The following NDST4 variants were observed in gnomAD, a reference collection of about 807,000 sequenced individuals.
The protein encoded by NDST4 is N-heparan sulfate sulfotransferase 4.
In NDST4, 63 loss-of-function variants were observed where a neutral mutation model predicts 100.8. The observed-to-expected ratio is 0.62, with a 90% CI of 0.51 to 0.77. The LOEUF (loss-of-function observed/expected upper bound fraction) is 0.77, where lower values mean the gene tolerates loss of function less well. Ranked by LOEUF, NDST4 falls within the 30% of genes least tolerant of loss-of-function variation. NDST4 has a pLI of 0.00. For missense variants in NDST4, 943 were observed against 1,018.4 expected, an observed-to-expected ratio of 0.93 and a Z score of 1.01; for synonymous variants, 377 against 361.8, an observed-to-expected ratio of 1.04 and a Z score of -0.48.
At chr4:115,048,665 A>G (rs562855057) in intron 2 of NDST4, among the ~76,000 whole-genome samples, 4 of 151,426 alleles carry the variant, frequency 2.6e-5, no homozygotes, top group South Asian at 2.1e-4. Flanking sequence ...GCACTTTTTC[A>G]TATACCTGTT....
At chr4:114,910,205 T>G (rs1278028492) in intron 6 of NDST4, among the ~76,000 whole-genome samples, 1 of 152,192 alleles carries the variant, frequency 6.6e-6, no homozygotes, top group East Asian at 1.9e-4. Context: ...CTCAAGAGCT[T>G]GATGAAGGAA....
chr4:114,908,749 G>C (rs554677082), intron 6 of NDST4, among the ~76,000 whole-genome samples: 1 of 152,156 alleles, frequency 6.6e-6, no homozygotes, highest in East Asian at 1.9e-4. Context: ...ACGTACACAC[G>C]GGAGACTTTC....
chr4:115,097,253 T>A (rs547314784), intron 1 of NDST4, among the ~76,000 whole-genome samples: 3 of 152,160 alleles, frequency 2.0e-5, no homozygotes, highest in African/African-American at 4.8e-5. Context: ...AACTCCTGTT[T>A]GTATATCTAA....
intron 4 of NDST4, among the ~76,000 whole-genome samples, chr4:114,941,423 T>G (rs1260711418): frequency 6.6e-6 from 1 of 152,170 alleles, no homozygotes; most frequent in Non-Finnish European, 1.5e-5. Context: ...GGATCTCCTG[T>G]TCACTTTTTT....
At chr4:115,072,818 T>TA (rs921241791) in intron 2 of NDST4, among the ~76,000 whole-genome samples, 1 of 151,378 alleles carries the variant, frequency 6.6e-6, no homozygotes, top group Non-Finnish European at 1.5e-5. Context: ...GCAACAAAAG[T>TA]AAAAAAACCA....
chr4:115,033,275 C>A (rs35674542), intron 2 of NDST4, among the ~76,000 whole-genome samples: 1 of 149,852 alleles, frequency 6.7e-6, no homozygotes, highest in African/African-American at 2.4e-5. Context: ...TCCCGAGTAG[C>A]GAGGACTAAA....
intron 6 of NDST4, among the ~76,000 whole-genome samples, chr4:114,901,621 T>C (rs1413385400): frequency 1.3e-5 from 2 of 152,050 alleles, no homozygotes; most frequent in Non-Finnish European, 2.9e-5. Context: ...CTTAGACTAT[T>C]GAAATTTAAT....
Position 115,077,127 on chromosome 4 carries a change from C to T in NDST4, c.-91G>A. The T allele has an allele frequency of 8.4e-7, 1 of 1,196,522 alleles. No homozygotes were observed. The highest frequency in any genetic ancestry group is 1.1e-6 in the Non-Finnish European group (1 of 871,138). 74.1% of individuals were successfully genotyped at this position (1,196,522 alleles called of 1,614,324 possible). A position where few individuals can be genotyped will look rare whatever the true frequency, so the allele number is the denominator to read the frequency against. ...GTATGAGATGTTGCAAATATCACTT[C>T]CCCAGAGTTCATGTAACCATCGCAA... On this transcript the variant is annotated 5_prime_UTR_variant, in exon 2 of 14. Coordinates refer to ENST00000264363, the MANE Select transcript of NDST4 (RefSeq NM_022569.3).
intron 6 of NDST4, among the ~76,000 whole-genome samples, chr4:114,888,217 ATAATT>A (rs1724519645): frequency 6.6e-6 from 1 of 150,852 alleles, no homozygotes; most frequent in Non-Finnish European, 1.5e-5. Context: ...AAATAAATAA[ATAATT>A]TAATTTAATT....
intron 2 of NDST4, among the ~76,000 whole-genome samples, chr4:115,057,702 GCACACACACACA>G (rs59805768): frequency 1.4e-5 from 2 of 147,340 alleles, no homozygotes; most frequent in African/African-American, 2.5e-5. Context: ...GCGTGCGCAC[GCACACACACACA>G]CACACACACA....
chr4:114,945,346 G>A (rs1366480478), intron 4 of NDST4, among the ~76,000 whole-genome samples: 1 of 151,228 alleles, frequency 6.6e-6, no homozygotes, highest in Non-Finnish European at 1.5e-5. Context: ...TCAATATAAA[G>A]AGGGGTAAGA....
chr4:114,853,686 TA>T (rs747758521), intron 7 of NDST4, among the ~76,000 whole-genome samples: 5 of 152,234 alleles, frequency 3.3e-5, no homozygotes, highest in Non-Finnish European at 5.9e-5. Context: ...TTAAAAAACA[TA>T]TACCTTGGAA....
intron 1 of NDST4, among the ~76,000 whole-genome samples, chr4:115,078,849 A>G (rs1435731525): frequency 6.6e-6 from 1 of 151,706 alleles, no homozygotes; most frequent in Non-Finnish European, 1.5e-5. Context: ...CGCCCCCACC[A>G]ACCCCCGCCC....
At chr4:114,842,076 A>C (rs1723438100) in intron 10 of NDST4, among the ~76,000 whole-genome samples, 1 of 152,210 alleles carries the variant, frequency 6.6e-6, no homozygotes, top group Non-Finnish European at 1.5e-5. Context: ...ACATACACAA[A>C]ATGCACTCAC....
rs767611564 is a variant in NDST4 at position 114,829,920 on chromosome 4, A to T, written c.2397-28T>A. The T allele has an allele frequency of 8.5e-6, 13 of 1,530,906 alleles. No homozygotes were observed. In the East Asian group the frequency reaches 3.0e-4, roughly 35 times the overall value. The allele number at this position is 1,530,906 out of a possible 1,614,324, so 94.8% of individuals were successfully genotyped here. On this transcript the variant is annotated intron_variant, in intron 12 of 13. Coordinates refer to ENST00000264363, the MANE Select transcript of NDST4 (RefSeq NM_022569.3). Reference sequence around the variant, plus strand: ...ACAGTACATAAAACATAATGATTACAAATTGTATGCAGAATTTTCAGTGAG... The same window carrying T: ...ACAGTACATAAAACATAATGATTACTAATTGTATGCAGAATTTTCAGTGAG...
At chr4:115,030,510 T>C (rs893443952) in intron 2 of NDST4, among the ~76,000 whole-genome samples, 3 of 152,110 alleles carry the variant, frequency 2.0e-5, no homozygotes, top group Non-Finnish European at 1.5e-5. Flanking sequence ...AACTGGGTCA[T>C]CCTGAATTAT....
intron 6 of NDST4, among the ~76,000 whole-genome samples, chr4:114,874,703 AT>A (rs1206667575): frequency 6.6e-6 from 1 of 152,192 alleles, no homozygotes; most frequent in Non-Finnish European, 1.5e-5. Context: ...AATAAAACCT[AT>A]TTCAGAGAGT....
rs200706058 is a variant in NDST4 at position 114,949,223 on chromosome 4, A to C, written c.1222-11720T>G. Among the ~76,000 whole-genome samples, 21 of 152,044 alleles carry C rather than the reference A, an allele frequency of 1.4e-4. No individual in the cohort carries two copies. In the East Asian group the frequency reaches 3.9e-3, roughly 28 times the overall value. ...TATCAATTTTTTTAGAAAGTATTAA[A>C]ATATTAAATTTTAGGATATTATTCT... On this transcript the variant is annotated intron_variant, in intron 4 of 13. Transcript: ENST00000264363.
At chr4:115,087,904 TA>T (rs922135310) in intron 1 of NDST4, among the ~76,000 whole-genome samples, 1 of 151,948 alleles carries the variant, frequency 6.6e-6, no homozygotes, top group Non-Finnish European at 1.5e-5. Flanking sequence ...CCCATAATAT[TA>T]AAAATAAAAT....
Sources: gnomAD v4.1 joint callset for allele counts (sites outside exome capture counted in the v4.1 genomes callset) on GRCh38, gnomAD v4.1.1 for gene constraint, MANE v1.5 for transcripts, NCBI Gene and HGNC (gene_info 2026-07-23, HGNC 2026-07-21) for gene names.